DYNLT2B: variants seen among roughly 807,000 people sequenced by gnomAD.
DYNLT2B encodes the protein dynein light chain Tctex-type protein 2B.
DYNLT2B carries 14 observed loss-of-function variants against 19.5 expected under a neutral mutation model. The ratio of observed to expected loss-of-function variants is 0.72; its 90% CI spans 0.47 to 1.12. DYNLT2B has a LOEUF of 1.12. Ranked by LOEUF, DYNLT2B falls within the 50% of genes most tolerant of loss-of-function variation. DYNLT2B has a pLI of 0.00. For synonymous variants in DYNLT2B, 70 were observed against 59.7 expected (o/e 1.17, Z -0.79); for missense variants, 133 against 174.7 (o/e 0.76, Z 1.35).
chr3:196,307,142 G>T, intron 2 of DYNLT2B, 130 bp from the exon 3 acceptor site: 1 of 722,962 alleles, frequency 1.4e-6, no homozygotes, highest in Non-Finnish European at 2.3e-6. Flanking sequence ...GTAAGCTTGG[G>T]GGTCAGGAGG....
chr3:196,316,890 A>AGAGTGTGTGTGTGT (rs1726816773), intron 1 of DYNLT2B, among the ~76,000 whole-genome samples: 1 of 74,198 alleles, frequency 1.3e-5, no homozygotes, highest in Non-Finnish European at 2.8e-5. Context: ...CATTTTTTTC[A>AGAGTGTGTGTGTGT]GTGTGTGTGT....
chr3:196,302,656 C>T (rs1229728874), intron 3 of DYNLT2B, among the ~76,000 whole-genome samples: 1 of 152,146 alleles, frequency 6.6e-6, no homozygotes, highest in Admixed American at 6.6e-5. Context: ...AGATACGATG[C>T]CCTTGAGGAG....
intron 1 of DYNLT2B, 101 bp from the exon 2 acceptor site, chr3:196,316,332 A>ATCCT (rs1726791693): frequency 8.4e-7 from 1 of 1,197,070 alleles, no homozygotes; most frequent in African/African-American, 1.6e-5. Context: ...GTACCACTTA[A>ATCCT]TCCTTCTTTT....
chr3:196,299,654 G>T (rs1341827148), intron 3 of DYNLT2B, among the ~76,000 whole-genome samples: 1 of 152,020 alleles, frequency 6.6e-6, no homozygotes, highest in African/African-American at 2.4e-5. Flanking sequence ...AATTCAGGCC[G>T]GGCACAGTGG....
At chr3:196,299,638 A>T (rs1229882592) in intron 3 of DYNLT2B, among the ~76,000 whole-genome samples, 2 of 151,984 alleles carry the variant, frequency 1.3e-5, no homozygotes, top group Non-Finnish European at 2.9e-5. Flanking sequence ...TTTTCAAGAC[A>T]TGCTGAATTC....
chr3:196,316,606 G>A (rs182715605), intron 1 of DYNLT2B, among the ~76,000 whole-genome samples: 6 of 152,176 alleles, frequency 3.9e-5, no homozygotes, highest in Admixed American at 3.9e-4. Context: ...ACGGCTGAAT[G>A]GCATTCTGGG....
intron 2 of DYNLT2B, chr3:196,315,321 G>C (rs1726753789): frequency 2.6e-6 from 1 of 380,980 alleles, no homozygotes; most frequent in South Asian, 1.9e-5. Context: ...GGAGTGCAGT[G>C]ACGCGATCTC....
intron 4 of DYNLT2B, among the ~76,000 whole-genome samples, chr3:196,293,644 G>A (rs886614374): frequency 7.2e-5 from 7 of 96,632 alleles, no homozygotes; most frequent in African/African-American, 2.3e-4. Context: ...CAAACAAGAT[G>A]CATTTTTTTT....
intron 2 of DYNLT2B, among the ~76,000 whole-genome samples, chr3:196,309,573 A>G (rs1726578662): frequency 6.6e-6 from 1 of 152,056 alleles, no homozygotes; most frequent in Non-Finnish European, 1.5e-5. Context: ...TCCACAAAAC[A>G]ATTTTTCAAA....
rs1406423575 is a variant in DYNLT2B at position 196,307,031 on chromosome 3, G to GTT, written c.248-21_248-20dup. On this transcript the variant is annotated intron_variant, in intron 2 of 4. Transcript: ENST00000325318. ...CCCATTTCTAGAAAGAAAAAATAAG[G>GTT]TTATTTATAAGCAAATATGTAGTAA... 2.5e-6 allele frequency: 4 copies of GTT among 1,607,932 alleles called. No individual in the cohort carries two copies. The highest frequency in any genetic ancestry group is 3.4e-6 in the Non-Finnish European group (4 of 1,175,504).
At chr3:196,301,293 G>A (rs1726347039) in intron 3 of DYNLT2B, among the ~76,000 whole-genome samples, 2 of 152,148 alleles carry the variant, frequency 1.3e-5, no homozygotes, top group Admixed American at 1.3e-4. Context: ...ATTCTTTTAA[G>A]CAATATCTAA....
intron 3 of DYNLT2B, 104 bp from the exon 4 acceptor site, chr3:196,296,173 G>C: frequency 1.0e-6 from 1 of 989,588 alleles, no homozygotes; most frequent in Non-Finnish European, 1.6e-6. Flanking sequence ...TCATAGATCT[G>C]TACTTCCAAA....
At chr3:196,317,051 GGTGTGTGTGTGGTGTGTGTGTGTGTGT>G (rs1726845412) in intron 1 of DYNLT2B, among the ~76,000 whole-genome samples, 1 of 69,924 alleles carries the variant, frequency 1.4e-5, no homozygotes, top group South Asian at 7.8e-4. Context: ...TGTGTTGTGT[GGTGTGTGTGTGGTGTGTGTGTGTGTGT>G]GTGTGTGTGT....
intron 3 of DYNLT2B, among the ~76,000 whole-genome samples, chr3:196,303,703 G>A (rs953727617): frequency 6.6e-6 from 1 of 152,046 alleles, no homozygotes; most frequent in African/African-American, 2.4e-5. Flanking sequence ...TTACCGCCAA[G>A]AAGAGCCCAA....
intron 4 of DYNLT2B, among the ~76,000 whole-genome samples, chr3:196,295,375 G>A (rs201716116): frequency 7.9e-3 from 855 of 108,264 alleles, no homozygotes; most frequent in South Asian, 0.012. Flanking sequence ...TGGCCAGGCT[G>A]GTCTTGAACT....
intron 2 of DYNLT2B, among the ~76,000 whole-genome samples, chr3:196,308,158 T>C (rs1056075675): frequency 1.3e-5 from 2 of 151,630 alleles, no homozygotes; most frequent in Non-Finnish European, 2.9e-5. Context: ...GTGGCATGTA[T>C]GATGTACATC....
Position 196,295,988 on chromosome 3 carries a change from G to C in DYNLT2B, c.381+18C>G. On this transcript the variant is annotated intron_variant, in intron 4 of 4. Coordinates refer to ENST00000325318, the MANE Select transcript of DYNLT2B (RefSeq NM_152773.5). ...CCACGTTCTTAGAAAGGGAAAAGAG[G>C]TTTCCAAATACACTTACATTCATGA... 6.2e-7 allele frequency: 1 copy of C among 1,607,534 alleles called. No homozygotes were observed. Among genetic ancestry groups the C allele is most frequent in the Non-Finnish European group, 8.5e-7 (1 of 1,175,340 alleles).
chr3:196,301,767 G>A (rs576349594), intron 3 of DYNLT2B, among the ~76,000 whole-genome samples: 1 of 151,416 alleles, frequency 6.6e-6, no homozygotes, highest in Admixed American at 6.6e-5. Context: ...AATAGAGTGG[G>A]GAGGGTTAAA....
At position 196,317,074 on chromosome 3, in the gene DYNLT2B, T is replaced by C. The variant is rs1434460971; in HGVS notation, c.114-843A>G. On this transcript the variant is annotated intron_variant, in intron 1 of 4. Transcript: ENST00000325318. ...GTGGTGTGTGTGTGGTGTGTGTGTG[T>C]GTGTGTGTGTGTGTAAAGTTAGTGA... Among the ~76,000 whole-genome samples the C allele has an allele frequency of 8.9e-3, 1,153 of 129,424 alleles. 138 individuals carry two copies. The highest frequency in any genetic ancestry group is 0.034 in the African/African-American group (1,101 of 32,158). The allele number at this position is 129,424 out of a possible 152,430, so 84.9% of individuals were successfully genotyped here. A position where few individuals can be genotyped will look rare whatever the true frequency, so the allele number is the denominator to read the frequency against.
Sources: allele counts gnomAD v4.1 joint callset (sites outside exome capture counted in the v4.1 genomes callset), GRCh38; gene constraint gnomAD v4.1.1; transcripts MANE v1.5; gene names NCBI Gene and HGNC (gene_info 2026-07-23, HGNC 2026-07-21).